Variants in TPCN2 observed in about 807,000 individuals in gnomAD.
The protein encoded by TPCN2 is two pore segment channel 2.
TPCN2 carries 92 observed loss-of-function variants against 111.4 expected under a neutral mutation model. The ratio of observed to expected loss-of-function variants is 0.83; its 90% CI spans 0.70 to 0.98. The LOEUF is 0.98. Among genes scored for constraint, TPCN2 ranks in the 50% least tolerant of loss-of-function variants. TPCN2 has a pLI of 0.00. For synonymous variants in TPCN2, 405 were observed against 414.5 expected (o/e 0.98, Z 0.28); for missense variants, 995 against 980.1 (o/e 1.02, Z -0.20).
In TPCN2 at chr11:69,071,777, G is replaced by A. The variant is rs1855546885; in HGVS notation, c.961-146G>A. Reference sequence around the variant, plus strand: ...CAATCCTCTCATTCCTGGGGGGTGAGGGGCTGCCCCCAGGCTGTGGGGAAC... The same window carrying A: ...CAATCCTCTCATTCCTGGGGGGTGAAGGGCTGCCCCCAGGCTGTGGGGAAC... On this transcript the variant is annotated intron_variant, in intron 10 of 24. Transcript: ENST00000294309. The A allele has an allele frequency of 5.8e-6, 4 of 693,268 alleles. No individual in the cohort carries two copies. The South Asian group carries it at 7.2e-5, about 12-fold the overall frequency. 42.9% of individuals were successfully genotyped at this position (693,268 alleles called of 1,614,324 possible).
At chr11:69,078,713 C>T (rs779479847) in intron 14 of TPCN2, 21 bp from the exon 15 acceptor site, 1 of 1,613,746 alleles carries the variant, frequency 6.2e-7, no homozygotes, top group Non-Finnish European at 8.5e-7. Flanking sequence ...AGCCGGCGAG[C>T]CCTCTGTTCT....
At chr11:69,054,141 G>A (rs545109162) in intron 2 of TPCN2, 44 bp downstream of exon 2, 20 of 1,547,092 alleles carry the variant, frequency 1.3e-5, no homozygotes, top group Middle Eastern at 1.9e-4. Flanking sequence ...GGGGGTGGCC[G>A]CCCTCCGATT....
Position 69,079,868 on chromosome 11 carries a change from T to C in TPCN2, c.1574T>C (p.Leu525Ser). The C allele has an allele frequency of 6.2e-7, 1 of 1,613,802 alleles. No homozygotes were observed. The highest frequency in any genetic ancestry group is 8.5e-7 in the Non-Finnish European group (1 of 1,179,938). ...LEISTLAVYR[L>S]PHPGWRPEMV... Reference sequence around the variant, plus strand: ...ATCTCAACTCTGGCTGTGTACCGATTGCCACACCCAGGCTGGTATGTGACT... The same window carrying C: ...ATCTCAACTCTGGCTGTGTACCGATCGCCACACCCAGGCTGGTATGTGACT... The change falls in exon 17 of 25, where the codon TTG (leucine) becomes TCG (serine). Residue 525 changes from leucine to serine, a missense_variant. By Grantham distance (145) the Leu-to-Ser change is moderately radical (BLOSUM62 -2). Coordinates refer to ENST00000294309, the MANE Select transcript of TPCN2 (RefSeq NM_139075.4).
At chr11:69,077,098 C>T (rs878983292) in intron 13 of TPCN2, among the ~76,000 whole-genome samples, 86 of 2,160 alleles carry the variant, frequency 0.04, no homozygotes, top group Non-Finnish European at 0.063. Flanking sequence ...CTGCCATGTC[C>T]CTCCACTTGC....
rs1318916319 is a variant in TPCN2, at chr11:69,054,801, A to G, written c.251+4A>G. 6.2e-7 allele frequency: 1 copy of G among 1,613,762 alleles called. No homozygotes were observed. The highest frequency in any genetic ancestry group is 1.1e-5 in the South Asian group (1 of 90,980). ...ATTACTCGAACGTATGCCAACGGTG[A>G]GAACGCACCCATGTGGAACTCAGGG... On this transcript the variant is annotated splice_donor_region_variant and intron_variant, in intron 3 of 24. Coordinates refer to ENST00000294309, the MANE Select transcript of TPCN2 (RefSeq NM_139075.4).
intron 17 of TPCN2, among the ~76,000 whole-genome samples, chr11:69,080,995 T>TGGGGCTGGCGCAG (rs1358093469): frequency 1.3e-5 from 2 of 151,654 alleles, no homozygotes; most frequent in Non-Finnish European, 2.9e-5. Context: ...AACCAGGGGA[T>TGGGGCTGGCGCAG]GGGGCTGGCG....
At chr11:69,084,161 G>A (rs1407067529) in intron 19 of TPCN2, 145 bp downstream of exon 19, 1 of 815,440 alleles carries the variant, frequency 1.2e-6, no homozygotes, top group Non-Finnish European at 2.0e-6. Context: ...TGAGGCCAGG[G>A]AAGTACAGGG....
chr11:69,081,343 C>T (rs1856000135), intron 17 of TPCN2, 57 bp from the exon 18 acceptor site: 2 of 1,273,536 alleles, frequency 1.6e-6, no homozygotes, highest in Admixed American at 2.1e-5. Context: ...GTTTCCTTGT[C>T]TCCTCCCTGT....
chr11:69,049,113 C>T lies in TPCN2; in HGVS notation c.109+7C>T. 4 of 1,239,214 alleles carry T rather than the reference C, an allele frequency of 3.2e-6. No individual in the cohort carries two copies. In the African/African-American group the frequency reaches 4.7e-5, roughly 14 times the overall value. The allele number at this position is 1,239,214 out of a possible 1,614,324, so 76.8% of individuals were successfully genotyped here. On this transcript the variant is annotated splice_region_variant and intron_variant, in intron 1 of 24. Transcript: ENST00000294309. The stretch of plus-strand genomic sequence containing the variant: ...AGCATCCAAGTCGGCCCTGGTGAGC[C>T]GCCCGGACCTGGGGAGGGGACTGGC...
Position 69,067,572 on chromosome 11 carries a change from C to T in TPCN2, c.796C>T (p.Leu266=), listed in dbSNP as rs775717039. Residue 266 remains leucine (L), a synonymous_variant, in exon 8 of 25, where the codon CTG becomes TTG. Coordinates refer to ENST00000294309, the MANE Select transcript of TPCN2 (RefSeq NM_139075.4). ...CCTGCCTGAGTCTCTGACTTCCCTCCTGGTGCTGCTGACCACGGCCAACAA... is the reference window on the plus strand; with the variant it reads ...CCTGCCTGAGTCTCTGACTTCCCTCTTGGTGCTGCTGACCACGGCCAACAA... ...QNLPESLTSL[L]VLLTTANNPD... The T allele has an allele frequency of 6.2e-7, 1 of 1,614,082 alleles. No homozygotes were observed.
Position 69,055,182 on chromosome 11 carries a change from A to G in TPCN2, c.259A>G (p.Ser87Gly), listed in dbSNP as rs749977548. 5 of 1,613,758 alleles carry G rather than the reference A, an allele frequency of 3.1e-6. No homozygotes were observed. The South Asian group carries it at 4.4e-5, about 14-fold the overall frequency. Residue 87 changes from serine to glycine, a missense_variant, in exon 4 of 25, where the codon AGC (serine) becomes GGC (glycine). Ser to Gly is a moderately conservative substitution (Grantham distance 56). Transcript: ENST00000294309. Reference sequence around the variant, plus strand: ...TTTCTGTCCCCTTTCCAGGACTTTGAGCTTCACCATCTTCTTGATCCTGTT... The same window carrying G: ...TTTCTGTCCCCTTTCCAGGACTTTGGGCTTCACCATCTTCTTGATCCTGTT... ...YYSNVCQRTL[S>G]FTIFLILFLA...
intron 4 of TPCN2, among the ~76,000 whole-genome samples, chr11:69,055,737 T>G (rs1217724096): frequency 6.6e-6 from 1 of 152,008 alleles, no homozygotes; most frequent in Non-Finnish European, 1.5e-5. Flanking sequence ...CTCTCCACCA[T>G]GCAGACTGAG....
intron 5 of TPCN2, among the ~76,000 whole-genome samples, chr11:69,058,807 TGACTGCCCCAGCAAAGG>T (rs1251214684): frequency 2.6e-5 from 4 of 152,218 alleles, no homozygotes; most frequent in Non-Finnish European, 4.4e-5. Flanking sequence ...GCCTCTTGCG[TGACTGCCCCAGCAAAGG>T]GAGCGAGGAT....
rs759581465 is a variant in TPCN2 at position 69,062,919 on chromosome 11, C to T, written c.582C>T (p.Phe194=). 3 of 1,614,042 alleles carry T rather than the reference C, an allele frequency of 1.9e-6. No homozygotes were observed. Among genetic ancestry groups the T allele is most frequent in the East Asian group, 2.2e-5 (1 of 44,852 alleles). The change falls in exon 6 of 25, where the codon TTC becomes TTT. Residue 194 remains phenylalanine (F), a synonymous_variant. Transcript: ENST00000294309. Reference sequence around the variant, plus strand: ...TCCGCCGGCTTCTCCGTCCCTTCTTCCTGCTGCAGAACTCCTCTATGATGA... The same window carrying T: ...TCCGCCGGCTTCTCCGTCCCTTCTTTCTGCTGCAGAACTCCTCTATGATGA... ...LRIRRLLRPF[F]LLQNSSMMKK...
Position 69,060,317 on chromosome 11 carries a change from G to A in TPCN2, c.547-2567G>A, listed in dbSNP as rs917581942. 1.8e-4 allele frequency among the ~76,000 whole-genome samples: 28 copies of A among 152,218 alleles called. 1 individual carries two copies. Among genetic ancestry groups the A allele is most frequent in the Admixed American group, 1.8e-3 (28 of 15,274 alleles). ...CGTGTGTGTGTTTCCGGCTGGGCCG[G>A]CTATCATTCAGCACGTCTGCAAACC... On this transcript the variant is annotated intron_variant, in intron 5 of 24. Coordinates refer to ENST00000294309, the MANE Select transcript of TPCN2 (RefSeq NM_139075.4).
intron 18 of TPCN2, chr11:69,083,044 C>G (rs11825940): frequency 7.0e-6 from 1 of 142,382 alleles, no homozygotes; most frequent in East Asian, 2.3e-4. Flanking sequence ...CTTGTGAACT[C>G]GTGCCCGTGT....
At chr11:69,064,906 CTGTG>C (rs1472172154) in intron 7 of TPCN2, among the ~76,000 whole-genome samples, 1 of 150,850 alleles carries the variant, frequency 6.6e-6, no homozygotes, top group Non-Finnish European at 1.5e-5. Flanking sequence ...TGTGTAGTGT[CTGTG>C]TGCATGGTGT....
At chr11:69,086,036 C>T (rs2290421) in intron 22 of TPCN2, 106 bp downstream of exon 22, 553,666 of 1,156,626 alleles carry the variant, frequency 0.48, 136,879 homozygotes, top group South Asian at 0.67. Flanking sequence ...GTGGCTGGGA[C>T]GGGGACTCGG....
At chr11:69,053,680 G>A (rs979649309) in intron 1 of TPCN2, among the ~76,000 whole-genome samples, 1 of 152,168 alleles carries the variant, frequency 6.6e-6, no homozygotes, top group Admixed American at 6.5e-5. Flanking sequence ...CTTGACAGAG[G>A]AGGAGCCAGC....
Sources: gnomAD v4.1 joint callset for allele counts (sites outside exome capture counted in the v4.1 genomes callset) on GRCh38, gnomAD v4.1.1 for gene constraint, MANE v1.5 for transcripts, NCBI Gene and HGNC (gene_info 2026-07-23, HGNC 2026-07-21) for gene names.